The following NRG1 variants were observed in gnomAD, a reference collection of about 807,000 sequenced individuals.
NRG1 encodes the protein pro-neuregulin-1, membrane-bound isoform.
Under a neutral mutation model 63.8 loss-of-function variants are expected in NRG1, and 18 were observed. The ratio of observed to expected loss-of-function variants is 0.28; its 90% CI spans 0.19 to 0.42. NRG1 has a LOEUF of 0.42. Ranked by LOEUF, NRG1 falls within the 10% of genes least tolerant of loss-of-function variation. The pLI is 1.00. For synonymous variants in NRG1, 302 were observed against 301.3 expected, an observed-to-expected ratio of 1.00 and a Z score of -0.02; for missense variants, 762 against 814.7, an observed-to-expected ratio of 0.94 and a Z score of 0.79.
chr8:32,508,510 G>T (rs1208718712), intron 1 of NRG1, among the ~76,000 whole-genome samples: 1 of 151,524 alleles, frequency 6.6e-6, no homozygotes, highest in African/African-American at 2.4e-5. Flanking sequence ...TGTTGGCCAG[G>T]CTGGTCTTGA....
At chr8:32,516,049 A>G (rs1219599163) in intron 1 of NRG1, among the ~76,000 whole-genome samples, 8 of 152,130 alleles carry the variant, frequency 5.3e-5, no homozygotes, top group Non-Finnish European at 1.2e-4. Flanking sequence ...GACTGGGATC[A>G]TATGTTTAAA....
At chr8:32,273,108 A>G (rs1012827660) in intron 1 of NRG1, among the ~76,000 whole-genome samples, 19 of 152,314 alleles carry the variant, frequency 1.2e-4, no homozygotes, top group Non-Finnish European at 2.4e-4. Flanking sequence ...GAACCATTTG[A>G]TTAAGCGTGT....
chr8:31,745,839 GAGAA>G (rs1189664690), intron 1 of NRG1, among the ~76,000 whole-genome samples: 1 of 151,872 alleles, frequency 6.6e-6, no homozygotes, highest in East Asian at 1.9e-4. Context: ...CAAAAGAAGG[GAGAA>G]AGAGAGAGGA....
In NRG1 at chr8:31,833,047, C is replaced by T. The variant is rs962267152; in HGVS notation, c.37+193616C>T. 2.2e-4 allele frequency among the ~76,000 whole-genome samples: 34 copies of T among 152,036 alleles called. 2 individuals are homozygous for T. Among genetic ancestry groups the T allele is most frequent in the Admixed American group, 6.6e-5 (1 of 15,254 alleles). ...AACAACCACCCGAGAACCCCAGTGC[C>T]ACTTACCTACCACCTCTTACCTTTG... On this transcript the variant is annotated intron_variant, in intron 1 of 10. Coordinates refer to the NRG1 transcript ENST00000519301.
chr8:32,131,937 GACAA>G (rs1834875135), intron 1 of NRG1, among the ~76,000 whole-genome samples: 1 of 151,926 alleles, frequency 6.6e-6, no homozygotes, highest in Non-Finnish European at 1.5e-5. Context: ...GAAACAGACA[GACAA>G]ACAAAAACAA....
intron 1 of NRG1, among the ~76,000 whole-genome samples, chr8:32,041,208 C>T (rs1819977346): frequency 1.3e-5 from 2 of 152,140 alleles, no homozygotes. Context: ...ATTTATTTGT[C>T]TCTCTTCAGT....
chr8:32,294,125 A>G (rs2129474324), intron 1 of NRG1, among the ~76,000 whole-genome samples: 1 of 152,034 alleles, frequency 6.6e-6, no homozygotes, highest in South Asian at 2.1e-4. Context: ...CTGACTCCGT[A>G]GGATGCCTGT....
intron 1 of NRG1, among the ~76,000 whole-genome samples, chr8:32,004,142 A>T (rs1043878527): frequency 7.2e-5 from 11 of 151,968 alleles, no homozygotes; most frequent in African/African-American, 2.7e-4. Context: ...AAAAGGCTGT[A>T]TGATTGCAGC....
intron 1 of NRG1, among the ~76,000 whole-genome samples, chr8:31,907,711 A>G (rs1832642726): frequency 6.6e-6 from 1 of 152,100 alleles, no homozygotes; most frequent in African/African-American, 2.4e-5. Flanking sequence ...TCTATAATAA[A>G]CTTACGTCTT....
chr8:32,511,544 T>G (rs2129501120), intron 1 of NRG1, among the ~76,000 whole-genome samples: 1 of 152,000 alleles, frequency 6.6e-6, no homozygotes, highest in East Asian at 1.9e-4. Flanking sequence ...CCACTTAAGC[T>G]TAGCCCCAAA....
chr8:32,195,375 G>GCTGCA (rs1358136174), intron 1 of NRG1, among the ~76,000 whole-genome samples: 1 of 151,272 alleles, frequency 6.6e-6, no homozygotes, highest in East Asian at 1.9e-4. Flanking sequence ...GGAGGTCAAG[G>GCTGCA]CTGCAGTTAG....
intron 1 of NRG1, among the ~76,000 whole-genome samples, chr8:31,691,816 T>C (rs927528948): frequency 1.3e-5 from 2 of 152,088 alleles, no homozygotes; most frequent in African/African-American, 4.8e-5. Context: ...GTTCTTCAGA[T>C]TGGTTATTCC....
chr8:31,912,576 T>G (rs1833039010), intron 1 of NRG1, among the ~76,000 whole-genome samples: 1 of 151,018 alleles, frequency 6.6e-6, no homozygotes, highest in African/African-American at 2.4e-5. Context: ...CTTTTTTTTT[T>G]TTTTTTTTTT....
chr8:31,655,236 C>T (rs1330824191), intron 1 of NRG1, among the ~76,000 whole-genome samples: 1 of 152,098 alleles, frequency 6.6e-6, no homozygotes, highest in Non-Finnish European at 1.5e-5. Flanking sequence ...TCTGGCTTGA[C>T]AATGATGAAG....
chr8:32,506,552 A>G (rs1828551966), intron 1 of NRG1, among the ~76,000 whole-genome samples: 1 of 152,240 alleles, frequency 6.6e-6, no homozygotes, highest in South Asian at 2.1e-4. Flanking sequence ...GAAAAGGATT[A>G]ATCACAAAAG....
exon 12 of NRG1, chr8:32,764,834 T>A (rs947653341): frequency 9.6e-5 from 15 of 155,658 alleles, no homozygotes; most frequent in African/African-American, 3.4e-4. Flanking sequence ...GGCACATCCA[T>A]CCAGATATGC....
intron 1 of NRG1, among the ~76,000 whole-genome samples, chr8:32,375,219 C>T (rs1454282332): frequency 6.6e-6 from 1 of 151,974 alleles, no homozygotes; most frequent in East Asian, 1.9e-4. Context: ...ATCAAGCAAT[C>T]CCCCCACCTT....
chr8:32,193,903 G>T (rs1842732058), intron 1 of NRG1, among the ~76,000 whole-genome samples: 1 of 152,232 alleles, frequency 6.6e-6, no homozygotes, highest in East Asian at 1.9e-4. Context: ...CTGCAAGTTA[G>T]CAGGAAGGCC....
At chr8:32,561,578 A>G (rs1275383232) in intron 1 of NRG1, among the ~76,000 whole-genome samples, 1 of 152,152 alleles carries the variant, frequency 6.6e-6, no homozygotes, top group African/African-American at 2.4e-5. Context: ...CAAGCAAGAG[A>G]TCTTTGTGGG....
Sources: gnomAD v4.1 joint callset for allele counts (sites outside exome capture counted in the v4.1 genomes callset) on GRCh38, gnomAD v4.1.1 for gene constraint, MANE v1.5 for transcripts, NCBI Gene and HGNC (gene_info 2026-07-23, HGNC 2026-07-21) for gene names.